The following NLGN4X variants were observed in gnomAD, a reference collection of about 807,000 sequenced individuals.
NLGN4X encodes neuroligin 4 X-linked, also known as neuroligin-4, X-linked.
In NLGN4X, 3 loss-of-function variants were observed where a neutral mutation model predicts 40.3. That is an observed-to-expected ratio of 0.07 (90% CI 0.03 to 0.19). The LOEUF (loss-of-function observed/expected upper bound fraction) is 0.19, where lower values mean the gene tolerates loss of function less well. NLGN4X is among the 10% of genes least tolerant of loss of function. The probability of loss-of-function intolerance (pLI) is 1.00; values close to 1 mark genes in which losing one functional copy is unlikely to be tolerated. For missense variants in NLGN4X, 382 were observed against 708.3 expected (o/e 0.54, Z 5.23); for synonymous variants, 270 against 306.8 (o/e 0.88, Z 1.25).
rs3045369 is a variant in NLGN4X, at chrX:6,175,655, GA to G, written c.-305-23885del. ...TCAAGTTATATCATTATCTATTACA[GA>G]AAAAAAAAAAAAAAAAACAAGATAA... On this transcript the variant is annotated intron_variant, in intron 1 of 5. Transcript: ENST00000381095. Among the ~76,000 whole-genome samples the G allele has an allele frequency of 3.0e-3, 182 of 60,993 alleles. 2 individuals are homozygous for G. The highest frequency in any genetic ancestry group is 0.026 in the Middle Eastern group (2 of 76). The allele number at this position is 60,993 out of a possible 115,157, so 53.0% of individuals were successfully genotyped here.
chrX:6,054,422 C>G (rs1055666735), intron 2 of NLGN4X, among the ~76,000 whole-genome samples: 1 of 110,541 alleles, frequency 9.0e-6, no homozygotes, highest in South Asian at 3.9e-4. Context: ...CAAGACCAGA[C>G]TGGGCAGCAG....
At chrX:6,082,948 G>GTTTTTTTTTTTTTTTTTTTTT (rs930625574) in intron 2 of NLGN4X, among the ~76,000 whole-genome samples, 1 of 70,375 alleles carries the variant, frequency 1.4e-5, no homozygotes, top group African/African-American at 4.8e-5. Context: ...GCCATGATGC[G>GTTTTTTTTTTTTTTTTTTTTT]TTTTTTTCTT....
chrX:6,169,351 C>A (rs1445525070), intron 1 of NLGN4X, among the ~76,000 whole-genome samples: 1 of 112,880 alleles, frequency 8.9e-6, no homozygotes, highest in Non-Finnish European at 1.9e-5. Flanking sequence ...CTGACATTTA[C>A]CAGGCAGAAG....
At chrX:5,901,720 T>A (rs2031878070) in intron 5 of NLGN4X, among the ~76,000 whole-genome samples, 1 of 109,798 alleles carries the variant, frequency 9.1e-6, no homozygotes, top group Non-Finnish European at 1.9e-5. Flanking sequence ...AAATATCATA[T>A]ATTTTCATTT....
intron 4 of NLGN4X, among the ~76,000 whole-genome samples, chrX:5,907,021 C>CG (rs1339885118): frequency 1.8e-5 from 2 of 108,486 alleles, no homozygotes; most frequent in African/African-American, 6.7e-5. Context: ...GTGGATGTTG[C>CG]GGTAAGCCAA....
intron 2 of NLGN4X, among the ~76,000 whole-genome samples, chrX:6,089,001 A>T (rs1325913293): frequency 2.7e-5 from 3 of 112,222 alleles, no homozygotes; most frequent in African/African-American, 9.7e-5. Flanking sequence ...CAAAATTTCA[A>T]TATATTAAAT....
intron 3 of NLGN4X, among the ~76,000 whole-genome samples, chrX:6,000,924 G>A (rs1036190036): frequency 1.8e-5 from 2 of 111,560 alleles, no homozygotes; most frequent in African/African-American, 3.3e-5. Flanking sequence ...AGACATACCC[G>A]AGAGTGGGTA....
intron 3 of NLGN4X, among the ~76,000 whole-genome samples, chrX:5,921,192 T>C (rs1408738750): frequency 1.9e-5 from 2 of 103,942 alleles, no homozygotes; most frequent in African/African-American, 7.0e-5. Context: ...ATGTCTAAAA[T>C]GATTCCAAAG....
intron 2 of NLGN4X, among the ~76,000 whole-genome samples, chrX:6,127,838 TAGAA>T (rs1392098565): frequency 8.9e-6 from 1 of 112,150 alleles, no homozygotes; most frequent in Non-Finnish European, 1.9e-5. Context: ...GAGAAACCGT[TAGAA>T]AGAAAAATAT....
At chrX:5,926,222 C>T (rs6638578) in intron 3 of NLGN4X, among the ~76,000 whole-genome samples, 31,795 of 107,186 alleles carry the variant, frequency 0.3, 4,445 homozygotes, top group Middle Eastern at 0.58. Flanking sequence ...ACGTTTGCTG[C>T]CCTTTCTGCC....
intron 3 of NLGN4X, among the ~76,000 whole-genome samples, chrX:6,004,250 C>T (rs1422824331): frequency 8.9e-6 from 1 of 112,183 alleles, no homozygotes; most frequent in African/African-American, 3.2e-5. Flanking sequence ...TATTTAAATG[C>T]TTTTGAACTC....
At chrX:6,147,451 C>T in intron 2 of NLGN4X, among the ~76,000 whole-genome samples, 1 of 112,295 alleles carries the variant, frequency 8.9e-6, no homozygotes, top group Non-Finnish European at 1.9e-5. Context: ...GTTTCCATAA[C>T]TCATCTTTCT....
At chrX:5,918,763 T>C (rs2032912035) in intron 3 of NLGN4X, among the ~76,000 whole-genome samples, 1 of 112,414 alleles carries the variant, frequency 8.9e-6, no homozygotes, top group Non-Finnish European at 1.9e-5. Context: ...TCAGCCACAA[T>C]GCATAACTGG....
chrX:6,206,594 G>C (rs1314192347), intron 1 of NLGN4X, among the ~76,000 whole-genome samples: 1 of 111,361 alleles, frequency 9.0e-6, no homozygotes, highest in Non-Finnish European at 1.9e-5. Context: ...TGCTCCCTCT[G>C]AGGGTTCTTG....
At chrX:5,912,896 G>A (rs1275978354) in intron 3 of NLGN4X, among the ~76,000 whole-genome samples, 2 of 65,948 alleles carry the variant, frequency 3.0e-5, no homozygotes, top group Admixed American at 3.5e-4. Context: ...AGGAAGGAAG[G>A]CAGGAGGGAG....
At chrX:5,934,244 T>C (rs1287723301) in intron 3 of NLGN4X, among the ~76,000 whole-genome samples, 1 of 112,147 alleles carries the variant, frequency 8.9e-6, no homozygotes, top group African/African-American at 3.2e-5. Context: ...TATTTCCTTC[T>C]TTTTTAAGGC....
chrX:6,105,686 A>G (rs2039017792), intron 2 of NLGN4X, among the ~76,000 whole-genome samples: 1 of 111,953 alleles, frequency 8.9e-6, no homozygotes. Flanking sequence ...AACTGCACAC[A>G]TAACACAACT....
intron 3 of NLGN4X, among the ~76,000 whole-genome samples, chrX:6,002,750 A>G (rs2036001964): frequency 9.0e-6 from 1 of 110,842 alleles, no homozygotes. Context: ...TTCCAAAACC[A>G]CCCATGGCCT....
chrX:6,226,556 G>C (rs1490564392), intron 1 of NLGN4X: 6 of 111,975 alleles, frequency 5.4e-5, no homozygotes, highest in African/African-American at 2.0e-4. Flanking sequence ...AGGGTTGCAC[G>C]GAGCACTGGG....
Sources: allele counts gnomAD v4.1 joint callset (sites outside exome capture counted in the v4.1 genomes callset), GRCh38; gene constraint gnomAD v4.1.1; transcripts MANE v1.5; gene names NCBI Gene and HGNC (gene_info 2026-07-23, HGNC 2026-07-21).